The following ATP1B2 variants were observed in gnomAD, a reference collection of about 807,000 sequenced individuals.
ATP1B2 encodes sodium/potassium-transporting ATPase subunit beta-2.
ATP1B2 carries 12 observed loss-of-function variants against 37.3 expected under a neutral mutation model. The observed-to-expected ratio is 0.32, with a 90% CI of 0.21 to 0.52. ATP1B2 has a LOEUF of 0.52. ATP1B2 is among the 20% of genes least tolerant of loss of function. The pLI is 0.96. For synonymous variants in ATP1B2, 139 were observed against 140.5 expected, an observed-to-expected ratio of 0.99 and a Z score of 0.07; for missense variants, 324 against 391.6, an observed-to-expected ratio of 0.83 and a Z score of 1.46.
Position 7,651,295 on chromosome 17 carries a change from TG to T in ATP1B2, c.-218del, listed in dbSNP as rs2072610344. ...TGACAGCACCCCTTTTCATCGCAGT[TG>T]GGGGGCCTAGGATCGGTGCATCTTC... On this transcript the variant is annotated 5_prime_UTR_variant, in exon 1 of 7. Coordinates refer to ENST00000250111, the MANE Select transcript of ATP1B2 (RefSeq NM_001678.5). 3.6e-6 allele frequency: 2 copies of T among 557,524 alleles called. No homozygotes were observed. Among genetic ancestry groups the T allele is most frequent in the Non-Finnish European group, 6.4e-6 (2 of 310,816 alleles). 34.5% of individuals were successfully genotyped at this position (557,524 alleles called of 1,614,324 possible). A position where few individuals can be genotyped will look rare whatever the true frequency, so the allele number is the denominator to read the frequency against.
chr17:7,649,311 T>C (rs2072594151), upstream of ATP1B2, among the ~76,000 whole-genome samples: 2 of 152,092 alleles, frequency 1.3e-5, no homozygotes, highest in Non-Finnish European at 2.9e-5. Flanking sequence ...CTTGCTCAGG[T>C]GATCCATTGG....
upstream of ATP1B2, among the ~76,000 whole-genome samples, chr17:7,646,936 G>C (rs897159194): frequency 6.6e-6 from 1 of 151,952 alleles, no homozygotes. Context: ...TTAAAAATTA[G>C]CCAGGCATTT....
Position 7,655,885 on chromosome 17 carries a change from A to T in ATP1B2, c.863A>T (p.Asn288Ile), listed in dbSNP as rs375236929. 8.7e-6 allele frequency: 14 copies of T among 1,614,080 alleles called. No individual in the cohort carries two copies. The highest frequency in any genetic ancestry group is 1.2e-5 in the Non-Finnish European group (14 of 1,180,006). The change falls in exon 7 of 7, where the codon AAC (asparagine) becomes ATC (isoleucine). Residue 288 changes from asparagine to isoleucine, a missense_variant. By Grantham distance (149) the Asn-to-Ile change is moderately radical. Transcript: ENST00000250111. This position sits in a 1 kb window ranked among gnomAD's most constrained non-coding sequence, Gnocchi z 4.4. ...AGRVAFKLRI[N>I]KT is the part of the protein sequence containing the mutation. ...CGCGTGGCCTTCAAACTCCGCATCA[A>T]CAAAACCTGAGGCCCCTTCCTCCCA...
At chr17:7,647,831 A>G (rs2072583967), upstream of ATP1B2, among the ~76,000 whole-genome samples, 1 of 149,916 alleles carries the variant, frequency 6.7e-6, no homozygotes, top group Non-Finnish European at 1.5e-5. Flanking sequence ...AAAAAGAAAA[A>G]AAAAACATGT....
rs571884656 is a variant in ATP1B2 at position 7,651,152 on chromosome 17, G to C, written c.-367G>C. 1 of 218,980 alleles carries C rather than the reference G, an allele frequency of 4.6e-6. No individual in the cohort carries two copies. The highest frequency in any genetic ancestry group is 1.6e-4 in the East Asian group (1 of 6,310). 13.6% of individuals were successfully genotyped at this position (218,980 alleles called of 1,614,324 possible). ...TTTTTGTACCCCGCTTTTTTTCTGC[G>C]TTCTGCTCGGTTTTTGTAGCCGTCT... On this transcript the variant is annotated 5_prime_UTR_variant, in exon 1 of 7. Coordinates refer to ENST00000250111, the MANE Select transcript of ATP1B2 (RefSeq NM_001678.5).
chr17:7,652,623 A>G (rs2072621638), intron 1 of ATP1B2, among the ~76,000 whole-genome samples: 1 of 152,190 alleles, frequency 6.6e-6, no homozygotes, highest in Non-Finnish European at 1.5e-5. Context: ...AGAGGACTTC[A>G]TGGAAGAAGT....
rs1332436434 is a variant in ATP1B2 at position 7,657,639 on chromosome 17, G to A, written c.*1744G>A. ...GTGTTTCTTCCCTTCGGGCCCCCATGTTTTCCTGCACCCGCCCTACCATGG... is the reference window on the plus strand; with the variant it reads ...GTGTTTCTTCCCTTCGGGCCCCCATATTTTCCTGCACCCGCCCTACCATGG... On this transcript the variant is annotated 3_prime_UTR_variant, in exon 7 of 7. Coordinates refer to ENST00000250111, the MANE Select transcript of ATP1B2 (RefSeq NM_001678.5). 1.3e-5 allele frequency: 2 copies of A among 152,276 alleles called. No individual in the cohort carries two copies. The highest frequency in any genetic ancestry group is 2.1e-4 in the South Asian group (1 of 4,812). The allele number at this position is 152,276 out of a possible 1,614,324, so 9.4% of individuals were successfully genotyped here.
chr17:7,647,190 G>C (rs1451825314), upstream of ATP1B2, among the ~76,000 whole-genome samples: 1 of 151,988 alleles, frequency 6.6e-6, no homozygotes, highest in East Asian at 1.9e-4. Flanking sequence ...CTATGAACGT[G>C]GAAAGGAAGC....
At chr17:7,652,288 T>G (rs1471924287) in intron 1 of ATP1B2, among the ~76,000 whole-genome samples, 1 of 151,588 alleles carries the variant, frequency 6.6e-6, no homozygotes, top group Admixed American at 6.6e-5. Context: ...GTCGGATGAC[T>G]TGGAAGCCTC....
Position 7,651,620 on chromosome 17 carries a change from G to A in ATP1B2, c.102G>A (p.Gly34=), listed in dbSNP as rs778412293. Residue 34 remains glycine (G), a synonymous_variant, in exon 1 of 7, where the codon GGG becomes GGA. Coordinates refer to ENST00000250111, the MANE Select transcript of ATP1B2 (RefSeq NM_001678.5). ...CGCACCAGTTTATGGGCCGCACCGG[G>A]ACCAGCTGGGGTACGCAGGGCCGGC... The part of the protein sequence containing the change: ...PRTHQFMGRT[G]TSWAFILLFY... 20 of 1,599,940 alleles carry A rather than the reference G, an allele frequency of 1.3e-5. No homozygotes were observed. The highest frequency in any genetic ancestry group is 1.7e-5 in the Non-Finnish European group (20 of 1,173,880).
At chr17:7,653,103 G>C (rs1484920238) in intron 1 of ATP1B2, among the ~76,000 whole-genome samples, 4 of 152,200 alleles carry the variant, frequency 2.6e-5, no homozygotes, top group Admixed American at 6.5e-5. Flanking sequence ...AGTTGGAAAT[G>C]TAATTGGAGG....
intron 1 of ATP1B2, among the ~76,000 whole-genome samples, chr17:7,652,207 A>T (rs1597334532): frequency 6.6e-6 from 1 of 152,056 alleles, no homozygotes; most frequent in East Asian, 1.9e-4. Flanking sequence ...TTTTGCTCCC[A>T]TGTCGGTGAC....
chr17:7,651,957 A>G (rs1044696760), intron 1 of ATP1B2, among the ~76,000 whole-genome samples: 1 of 151,634 alleles, frequency 6.6e-6, no homozygotes, highest in Non-Finnish European at 1.5e-5. Context: ...CCCCACCTCC[A>G]AAGAGCGCCC....
chr17:7,654,942 C>T lies in ATP1B2; in HGVS notation c.609+258C>T, dbSNP rs771371327. ...CCAGACACACGCCCTCCTCCACCAA[C>T]GCCCTGGCCTCTGGCTTCTCTCCCT... On this transcript the variant is annotated intron_variant, in intron 5 of 6. Transcript: ENST00000250111. This position sits in a 1 kb window ranked among gnomAD's most constrained non-coding sequence, Gnocchi z 4.9. The T allele has an allele frequency of 2.0e-5, 10 of 491,632 alleles. No individual in the cohort carries two copies. Among genetic ancestry groups the T allele is most frequent in the South Asian group, 1.3e-4 (5 of 37,362 alleles). The allele number at this position is 491,632 out of a possible 1,614,324, so 30.5% of individuals were successfully genotyped here. A position where few individuals can be genotyped will look rare whatever the true frequency, so the allele number is the denominator to read the frequency against.
upstream of ATP1B2, among the ~76,000 whole-genome samples, chr17:7,647,548 C>T (rs556945438): frequency 5.2e-4 from 79 of 152,200 alleles, no homozygotes; most frequent in African/African-American, 1.7e-3. Context: ...AGACCGGGTG[C>T]GGTGGCTCAC....
chr17:7,649,673 C>T (rs2072597284), upstream of ATP1B2, among the ~76,000 whole-genome samples: 2 of 152,048 alleles, frequency 1.3e-5, no homozygotes, highest in African/African-American at 2.4e-5. Context: ...CTGCCTCAGC[C>T]TCCCAAGTAG....
At position 7,656,059 on chromosome 17, in the gene ATP1B2, C is replaced by T; in HGVS notation, c.*164C>T. 1.1e-6 allele frequency: 1 copy of T among 946,626 alleles called. No homozygotes were observed. Among genetic ancestry groups the T allele is most frequent in the Non-Finnish European group, 1.5e-6 (1 of 650,034 alleles). The allele number at this position is 946,626 out of a possible 1,614,324, so 58.6% of individuals were successfully genotyped here. On this transcript the variant is annotated 3_prime_UTR_variant, in exon 7 of 7. Coordinates refer to ENST00000250111, the MANE Select transcript of ATP1B2 (RefSeq NM_001678.5). The stretch of plus-strand genomic sequence containing the variant: ...TTGACTTCTCAACCCAGCCTGAAGT[C>T]CATTGCGGTTCCGTCACTCGCCTTT...
At chr17:7,650,637 C>G (rs529133356), upstream of ATP1B2, among the ~76,000 whole-genome samples, 63 of 152,312 alleles carry the variant, frequency 4.1e-4, no homozygotes, top group African/African-American at 1.5e-3. Context: ...ATCGGCTTCT[C>G]TCTCTGCCGT....
Position 7,654,170 on chromosome 17 carries a change from C to G in ATP1B2, c.465C>G (p.Thr155=), listed in dbSNP as rs1255492435. 6.2e-7 allele frequency: 1 copy of G among 1,614,038 alleles called. No individual in the cohort carries two copies. Among genetic ancestry groups the G allele is most frequent in the African/African-American group, 1.3e-5 (1 of 74,902 alleles). Residue 155 remains threonine, a synonymous_variant, in exon 4 of 7, where the codon ACC becomes ACG. Transcript: ENST00000250111. This position sits in a 1 kb window ranked among gnomAD's most constrained non-coding sequence, Gnocchi z 4.9. Reference sequence around the variant, plus strand: ...AACGTGCCTGCCAATTCAACCGGACCCAGCTGGGCAACTGCTCCGGCATTG... The same window carrying G: ...AACGTGCCTGCCAATTCAACCGGACGCAGCTGGGCAACTGCTCCGGCATTG... ...YPKRACQFNR[T]QLGNCSGIGD...
Sources: gnomAD v4.1 joint callset for allele counts (sites outside exome capture counted in the v4.1 genomes callset) on GRCh38, gnomAD v4.1.1 for gene constraint, Gnocchi (gnomAD v3.1) non-coding constraint, MANE v1.5 for transcripts, NCBI Gene and HGNC (gene_info 2026-07-23, HGNC 2026-07-21) for gene names.